The following PCDH9 variants were observed in gnomAD, a reference collection of about 807,000 sequenced individuals.
PCDH9 encodes protocadherin-9.
A neutral mutation model predicts 70.6 loss-of-function variants in PCDH9; 24 were observed. The observed-to-expected ratio is 0.34, with a 90% confidence interval of 0.25 to 0.48. The LOEUF (loss-of-function observed/expected upper bound fraction) is 0.48. PCDH9 is among the 20% of genes least tolerant of loss of function. The pLI, the probability that PCDH9 is intolerant of heterozygous loss-of-function variation, is 0.99. For synonymous variants in PCDH9, 562 were observed against 558.5 expected, an observed-to-expected ratio of 1.01 and a Z score of -0.09; for missense variants, 1,281 against 1,503.6, an observed-to-expected ratio of 0.85 and a Z score of 2.45.
intron 2 of PCDH9, among the ~76,000 whole-genome samples, chr13:67,166,884 A>T (rs991466140): frequency 3.3e-5 from 5 of 152,146 alleles, no homozygotes; most frequent in African/African-American, 1.2e-4. Flanking sequence ...TCATTGGTAA[A>T]CTAACCGTGG....
chr13:66,955,058 A>G (rs1434777265), intron 2 of PCDH9, among the ~76,000 whole-genome samples: 1 of 152,176 alleles, frequency 6.6e-6, no homozygotes, highest in Admixed American at 6.6e-5. Context: ...CCACTGAGAT[A>G]GAACATTTTA....
intron 3 of PCDH9, among the ~76,000 whole-genome samples, chr13:66,649,828 TTAAAGTG>T (rs976169778): frequency 6.6e-6 from 1 of 150,938 alleles, no homozygotes; most frequent in Non-Finnish European, 1.5e-5. Flanking sequence ...TGGGGCAAAG[TTAAAGTG>T]TAGAGTTTTT....
chr13:67,043,110 A>G (rs905009192), intron 2 of PCDH9, among the ~76,000 whole-genome samples: 1 of 152,216 alleles, frequency 6.6e-6, no homozygotes, highest in Non-Finnish European at 1.5e-5. Context: ...AAAAGAAAAA[A>G]TGTCTTAGAT....
intron 4 of PCDH9, among the ~76,000 whole-genome samples, chr13:66,315,700 C>T (rs963722017): frequency 1.3e-5 from 2 of 152,122 alleles, no homozygotes; most frequent in African/African-American, 2.4e-5. Flanking sequence ...AGGCTGGTCT[C>T]GAACTCCCGA....
At chr13:66,805,741 T>G (rs2080399676) in intron 3 of PCDH9, among the ~76,000 whole-genome samples, 1 of 152,190 alleles carries the variant, frequency 6.6e-6, no homozygotes, top group Non-Finnish European at 1.5e-5. Context: ...AAGATGATAC[T>G]ATTTCTTTCT....
At chr13:66,802,740 T>G (rs989058616) in intron 3 of PCDH9, among the ~76,000 whole-genome samples, 29 of 152,138 alleles carry the variant, frequency 1.9e-4, no homozygotes, top group African/African-American at 7.0e-4. Flanking sequence ...GCAGAACAAC[T>G]GAGAATAACA....
At chr13:66,963,210 C>A (rs1020057834) in intron 2 of PCDH9, among the ~76,000 whole-genome samples, 1 of 152,186 alleles carries the variant, frequency 6.6e-6, no homozygotes, top group Non-Finnish European at 1.5e-5. Flanking sequence ...CACTCATCAC[C>A]TGTTGTGCGG....
chr13:66,720,125 C>A (rs1411198694), intron 3 of PCDH9, among the ~76,000 whole-genome samples: 1 of 151,814 alleles, frequency 6.6e-6, no homozygotes, highest in South Asian at 2.1e-4. Context: ...AACTTAGGAC[C>A]ATTTCCTAGA....
In PCDH9 at chr13:66,626,553, A is replaced by C. The variant is rs565965055; in HGVS notation, c.3340+4657T>G. Among the ~76,000 whole-genome samples, 44 of 152,320 alleles carry C rather than the reference A, an allele frequency of 2.9e-4. 1 individual carries two copies. The highest frequency in any genetic ancestry group is 7.8e-4 in the Admixed American group (12 of 15,298). On this transcript the variant is annotated intron_variant, in intron 4 of 4. Coordinates refer to ENST00000377865, the MANE Select transcript of PCDH9 (RefSeq NM_203487.3). ...AATGACCCAGGGTTGAGAATATTGC[A>C]CTTCCTTTTGATGATAACGATCCTC...
rs369229384 is a variant in PCDH9 at position 67,119,168 on chromosome 13, GT to G, written c.3036+106236del. Among the ~76,000 whole-genome samples the G allele has an allele frequency of 3.9e-5, 6 of 152,152 alleles. No individual in the cohort carries two copies. In the South Asian group the frequency reaches 1.0e-3, roughly 26 times the overall value. On this transcript the variant is annotated intron_variant, in intron 2 of 4. Coordinates refer to ENST00000377865, the MANE Select transcript of PCDH9 (RefSeq NM_203487.3). ...GCCTAAAGCCTTACAATGTTTAGAAGTTTTTTTCTTTTGGGGTTTGTTTCTT... is the reference window on the plus strand; with the variant it reads ...GCCTAAAGCCTTACAATGTTTAGAAGTTTTTTCTTTTGGGGTTTGTTTCTT...
rs770806897 is a variant in PCDH9 at position 67,226,610 on chromosome 13, T to C, written c.1831A>G (p.Ile611Val). ...AGENKAVTLS[I>V]LNDNDNFVLD... Reference sequence around the variant, plus strand: ...ACAAAATTATCATTGTCATTTAGAATGGAAAGAGTCACAGCTTTATTCTCT... The same window carrying C: ...ACAAAATTATCATTGTCATTTAGAACGGAAAGAGTCACAGCTTTATTCTCT... The change falls in exon 2 of 5, where the codon ATT becomes GTT. Residue 611 changes from isoleucine to valine, a missense_variant. Physicochemically the swap from Ile to Val is conservative, Grantham distance 29. Around this residue, in one of 4 missense-constraint regions of PCDH9, gnomAD observed 798 missense variants for 1,003.1 expected, o/e 0.80. Coordinates refer to ENST00000377865, the MANE Select transcript of PCDH9 (RefSeq NM_203487.3). The surrounding 1 kb of genome is among the most constrained non-coding windows in gnomAD (Gnocchi z 5.0). 10 of 1,614,010 alleles carry C rather than the reference T, an allele frequency of 6.2e-6. No individual in the cohort carries two copies. The highest frequency in any genetic ancestry group is 3.3e-4 in the Middle Eastern group (2 of 6,082).
chr13:66,990,758 A>G (rs1472191470), intron 2 of PCDH9: 1 of 147,050 alleles, frequency 6.8e-6, no homozygotes, highest in Admixed American at 6.7e-5. Context: ...TTCTAGTAAT[A>G]ATAATATTTA....
At chr13:66,790,340 T>C (rs551124628) in intron 3 of PCDH9, among the ~76,000 whole-genome samples, 1 of 152,224 alleles carries the variant, frequency 6.6e-6, no homozygotes, top group South Asian at 2.1e-4. Context: ...TGGATAGTAA[T>C]CATTCATGAG....
intron 4 of PCDH9, among the ~76,000 whole-genome samples, chr13:66,409,454 C>T (rs1283614495): frequency 2.0e-5 from 3 of 152,102 alleles, no homozygotes; most frequent in African/African-American, 7.2e-5. Context: ...AAACTCTATA[C>T]CTCCAGGAAT....
intron 4 of PCDH9, among the ~76,000 whole-genome samples, chr13:66,588,023 G>T (rs1247194393): frequency 1.3e-5 from 2 of 151,928 alleles, no homozygotes; most frequent in Non-Finnish European, 2.9e-5. Context: ...TTGATATTCT[G>T]GGAGACTGGG....
At chr13:67,172,000 T>A (rs2088299712) in intron 2 of PCDH9, among the ~76,000 whole-genome samples, 1 of 152,174 alleles carries the variant, frequency 6.6e-6, no homozygotes. Flanking sequence ...AGCTGTACAG[T>A]CACAATTTAA....
intron 3 of PCDH9, among the ~76,000 whole-genome samples, chr13:66,704,541 G>T (rs115434931): frequency 6.6e-6 from 1 of 152,098 alleles, no homozygotes; most frequent in Admixed American, 6.6e-5. Context: ...TCTGACACTT[G>T]AGAAAACTAA....
chr13:66,824,717 T>TAC (rs1491119081), intron 3 of PCDH9, among the ~76,000 whole-genome samples: 4 of 140,376 alleles, frequency 2.8e-5, no homozygotes, highest in South Asian at 2.3e-4. Context: ...CATATATATA[T>TAC]ACACACACAC....
In PCDH9 at chr13:66,332,291, A is replaced by G. The variant is rs564595446; in HGVS notation, c.3341-27263T>C. 6.6e-5 allele frequency among the ~76,000 whole-genome samples: 10 copies of G among 152,266 alleles called. No homozygotes were observed. In the South Asian group the frequency reaches 2.1e-3, roughly 32 times the overall value. ...ACAAGAAGTAAGGTGTATGCCAGAG[A>G]GCATACACCATGTTAGAATGAGGTC... On this transcript the variant is annotated intron_variant, in intron 4 of 4. Coordinates refer to ENST00000377865, the MANE Select transcript of PCDH9 (RefSeq NM_203487.3).
Sources: allele counts gnomAD v4.1 joint callset (sites outside exome capture counted in the v4.1 genomes callset), GRCh38; gene constraint gnomAD v4.1.1; regional missense constraint gnomAD v4.1.1; non-coding constraint Gnocchi (gnomAD v3.1); transcripts MANE v1.5; gene names NCBI Gene and HGNC (gene_info 2026-07-23, HGNC 2026-07-21).